Variants in CCNF observed in about 807,000 individuals in gnomAD.
The protein encoded by CCNF is cyclin-F.
A neutral mutation model predicts 85.4 loss-of-function variants in CCNF; 30 were observed. The observed-to-expected ratio is 0.35, with a 90% CI of 0.26 to 0.48. The LOEUF (loss-of-function observed/expected upper bound fraction) is 0.48. CCNF is among the 20% of genes least tolerant of loss of function. The pLI, the probability that CCNF is intolerant of heterozygous loss-of-function variation, is 0.99. For synonymous variants in CCNF, 439 were observed against 425.1 expected (o/e 1.03, Z -0.40); for missense variants, 919 against 1,010.4 (o/e 0.91, Z 1.23).
intron 10 of CCNF, among the ~76,000 whole-genome samples, chr16:2,447,834 C>T (rs187337068): frequency 1.6e-4 from 24 of 152,292 alleles, no homozygotes; most frequent in African/African-American, 5.5e-4. Flanking sequence ...CCATCTCACA[C>T]CCCACGCTGG....
rs143155692 is a variant in CCNF, at chr16:2,443,735, G to C, written c.864G>C (p.Gln288His). ...GTGAGATCGTCTGCCAGCTATTTCA[G>C]GCTTCCCAGGCTGTCAGTAAACAAC... Reference protein sequence around the residue: ...ASSEIVCQLFQASQAVSKQQV... With the variant: ...ASSEIVCQLFHASQAVSKQQV... The change falls in exon 9 of 17, where the codon CAG becomes CAC. Residue 288 changes from glutamine (Q) to histidine (H), a missense_variant. Transcript: ENST00000397066. The C allele has an allele frequency of 4.3e-6, 7 of 1,614,150 alleles. No individual in the cohort carries two copies. Among genetic ancestry groups the C allele is most frequent in the African/African-American group, 1.3e-5 (1 of 75,038 alleles).
chr16:2,435,056 C>T (rs1021551400), intron 3 of CCNF, among the ~76,000 whole-genome samples: 1 of 151,946 alleles, frequency 6.6e-6, no homozygotes, highest in African/African-American at 2.4e-5. Context: ...TCGAGACCAT[C>T]CTGGCTAACA....
rs1475209316 is a variant in CCNF at position 2,441,980 on chromosome 16, T to TC, written c.778-1669_778-1668insC. ...ATATATATATATATATATATATATA[T>TC]ATGTTTTTGTTTTTGTTTTGTTTTG... On this transcript the variant is annotated intron_variant, in intron 8 of 16. Transcript: ENST00000397066. 2.3e-5 allele frequency among the ~76,000 whole-genome samples: 3 copies of TC among 131,504 alleles called. No individual in the cohort carries two copies. In the East Asian group the frequency reaches 6.8e-4, roughly 30 times the overall value. The allele number at this position is 131,504 out of a possible 152,430, so 86.3% of individuals were successfully genotyped here. A position where few individuals can be genotyped will look rare whatever the true frequency, so the allele number is the denominator to read the frequency against.
rs2065427755 is a variant in CCNF at position 2,456,402 on chromosome 16, G to A, written c.1886-143G>A. Reference sequence around the variant, plus strand: ...AACTTGGAAGAGGCATGTCACCCACGCTTCTCACCACAGGAGGGTAACACA... The same window carrying A: ...AACTTGGAAGAGGCATGTCACCCACACTTCTCACCACAGGAGGGTAACACA... On this transcript the variant is annotated intron_variant, in intron 16 of 16. Transcript: ENST00000397066. This position sits in a 1 kb window ranked among gnomAD's most constrained non-coding sequence, Gnocchi z 4.5. 2.0e-6 allele frequency: 1 copy of A among 512,038 alleles called. No individual in the cohort carries two copies. The highest frequency in any genetic ancestry group is 3.7e-5 in the Admixed American group (1 of 26,724). 31.7% of individuals were successfully genotyped at this position (512,038 alleles called of 1,614,324 possible). A position where few individuals can be genotyped will look rare whatever the true frequency, so the allele number is the denominator to read the frequency against.
chr16:2,441,977 A>ATATATATATATC (rs1411330927), intron 8 of CCNF, among the ~76,000 whole-genome samples: 4 of 95,856 alleles, frequency 4.2e-5, no homozygotes, highest in Non-Finnish European at 8.9e-5. Flanking sequence ...ATATATATAT[A>ATATATATATATC]TATATGTTTT....
chr16:2,433,832 G>A (rs1017143733), intron 3 of CCNF, among the ~76,000 whole-genome samples: 7 of 152,136 alleles, frequency 4.6e-5, no homozygotes, highest in Admixed American at 1.3e-4. Context: ...GATCTCAGGC[G>A]GGCATTTTTC....
At chr16:2,440,694 A>G (rs2065316543) in intron 8 of CCNF, among the ~76,000 whole-genome samples, 2 of 152,218 alleles carry the variant, frequency 1.3e-5, no homozygotes, top group Non-Finnish European at 2.9e-5. Flanking sequence ...TGGCAGAGTG[A>G]TCTGCGCTCA....
At chr16:2,433,939 T>G (rs1424436498) in intron 3 of CCNF, among the ~76,000 whole-genome samples, 3 of 152,242 alleles carry the variant, frequency 2.0e-5, no homozygotes, top group Non-Finnish European at 1.5e-5. Context: ...CGGCCATGCT[T>G]GGGCTGCTTC....
At chr16:2,441,114 G>A (rs2065318741) in intron 8 of CCNF, among the ~76,000 whole-genome samples, 1 of 152,060 alleles carries the variant, frequency 6.6e-6, no homozygotes, top group Admixed American at 6.6e-5. Context: ...TGTGCCTAGA[G>A]TCCCAGCTAC....
chr16:2,429,696 G>A (rs1165166053), intron 1 of CCNF, among the ~76,000 whole-genome samples, 199 bp downstream of exon 1: 2 of 152,090 alleles, frequency 1.3e-5, no homozygotes, highest in African/African-American at 2.4e-5. Context: ...CCCGGCGGGC[G>A]CCCGAGCCCC....
chr16:2,447,046 A>G (rs983482320), intron 10 of CCNF, among the ~76,000 whole-genome samples: 3 of 152,174 alleles, frequency 2.0e-5, no homozygotes, highest in African/African-American at 7.2e-5. Context: ...AGGTCTTCCG[A>G]CCAGAGACGA....
At chr16:2,440,984 A>C (rs1365324418) in intron 8 of CCNF, among the ~76,000 whole-genome samples, 1 of 152,314 alleles carries the variant, frequency 6.6e-6, no homozygotes, top group Admixed American at 6.5e-5. Flanking sequence ...CTGTAATGCC[A>C]GCACTTTGGG....
Position 2,431,216 on chromosome 16 carries a change from C to T in CCNF, c.103C>T (p.Leu35Phe). ...GCCCCGAAACCTGACCATCTTGAGT[C>T]TCCCCGAAGATGTGCTCTTTCACAT... ...RRPRNLTILS[L>F]PEDVLFHILK... Residue 35 changes from leucine (L) to phenylalanine (F), a missense_variant, in exon 2 of 17, where the codon CTC becomes TTC. Around this residue, in one of 3 missense-constraint regions of CCNF, gnomAD observed 410 missense variants for 478.6 expected, o/e 0.86. Transcript: ENST00000397066. 6.2e-7 allele frequency: 1 copy of T among 1,614,098 alleles called. No homozygotes were observed. The highest frequency in any genetic ancestry group is 8.5e-7 in the Non-Finnish European group (1 of 1,179,974).
chr16:2,442,269 A>C (rs1312323139), intron 8 of CCNF, among the ~76,000 whole-genome samples: 1 of 141,770 alleles, frequency 7.1e-6, no homozygotes, highest in East Asian at 2.0e-4. Flanking sequence ...GGCCTCCTAA[A>C]GTGCTGGGAT....
Position 2,450,966 on chromosome 16 carries a change from C to G in CCNF, c.1487+1051C>G, listed in dbSNP as rs191021221. Among the ~76,000 whole-genome samples, 1,461 of 152,328 alleles carry G rather than the reference C, an allele frequency of 9.6e-3. 23 individuals are homozygous for G. The highest frequency in any genetic ancestry group is 0.032 in the African/African-American group (1,349 of 41,558). ...GGTGGGTCCCTTGCGCCGTCGTGCCCGGATGTGACCCCCTGTCTGCCCCAG... is the reference window on the plus strand; with the variant it reads ...GGTGGGTCCCTTGCGCCGTCGTGCCGGGATGTGACCCCCTGTCTGCCCCAG... On this transcript the variant is annotated intron_variant, in intron 13 of 16. Transcript: ENST00000397066.
chr16:2,446,951 A>G (rs2065365212), intron 10 of CCNF, among the ~76,000 whole-genome samples: 1 of 152,204 alleles, frequency 6.6e-6, no homozygotes, highest in Non-Finnish European at 1.5e-5. Flanking sequence ...ATGCAGTGTC[A>G]TTCCCATGGA....
rs2065260916 is a variant in CCNF at position 2,431,222 on chromosome 16, G to A, written c.109G>A (p.Glu37Lys). The change falls in exon 2 of 17, where the codon GAA becomes AAA. Residue 37 changes from glutamate to lysine, a missense_variant. By Grantham distance (56) the Glu-to-Lys change is moderately conservative. Coordinates refer to ENST00000397066, the MANE Select transcript of CCNF (RefSeq NM_001761.3). ...PRNLTILSLPEDVLFHILKWL... is the reference protein window; with the variant it reads ...PRNLTILSLPKDVLFHILKWL... ...AAACCTGACCATCTTGAGTCTCCCC[G>A]AAGATGTGCTCTTTCACATCCTGAA... 4 of 1,613,938 alleles carry A rather than the reference G, an allele frequency of 2.5e-6. No individual in the cohort carries two copies. Among genetic ancestry groups the A allele is most frequent in the Admixed American group, 1.7e-5 (1 of 59,992 alleles).
At chr16:2,439,239 A>C in intron 6 of CCNF, 114 bp from the exon 7 acceptor site, 1 of 803,572 alleles carries the variant, frequency 1.2e-6, no homozygotes, top group Non-Finnish European at 2.0e-6. Context: ...CGGAGGTTGC[A>C]GTGAGCCAGG....
In CCNF at chr16:2,453,615, A is replaced by T; in HGVS notation, c.1715+78A>T. The T allele has an allele frequency of 6.4e-7, 1 of 1,566,376 alleles. No homozygotes were observed. Among genetic ancestry groups the T allele is most frequent in the Non-Finnish European group, 8.7e-7 (1 of 1,146,200 alleles). ...GGCCCAGTTCCCTCAGCGCTTCCTC[A>T]CACAGAGAGGCCCCCAAGGCTTGTC... On this transcript the variant is annotated intron_variant, in intron 15 of 16. Transcript: ENST00000397066. The surrounding 1 kb of genome is among the most constrained non-coding windows in gnomAD (Gnocchi z 5.6).
Sources: gnomAD v4.1 joint callset for allele counts (sites outside exome capture counted in the v4.1 genomes callset) on GRCh38, gnomAD v4.1.1 for gene constraint, gnomAD v4.1.1 regional missense constraint, Gnocchi (gnomAD v3.1) non-coding constraint, MANE v1.5 for transcripts, NCBI Gene and HGNC (gene_info 2026-07-23, HGNC 2026-07-21) for gene names.